Variants in PARM1 observed in about 807,000 individuals in gnomAD.
PARM1 encodes prostate androgen-regulated mucin-like protein 1.
A neutral mutation model predicts 24.6 loss-of-function variants in PARM1; 14 were observed. The ratio of observed to expected loss-of-function variants is 0.57; its 90% CI spans 0.38 to 0.89. The LOEUF is 0.89. PARM1 is among the 40% of genes least tolerant of loss of function. The probability of loss-of-function intolerance (pLI) is 0.00; values close to 1 mark genes in which losing one functional copy is unlikely to be tolerated. For synonymous variants in PARM1, 179 were observed against 156.6 expected (o/e 1.14, Z -1.07); for missense variants, 362 against 380.4 (o/e 0.95, Z 0.40).
At chr4:74,969,984 TAA>T (rs1721992846) in intron 1 of PARM1, 1 of 152,228 alleles carries the variant, frequency 6.6e-6, no homozygotes, top group Admixed American at 6.5e-5. Context: ...TGTTATTGTC[TAA>T]GTCACTGGCA....
At chr4:75,019,263 T>C (rs1723043736) in intron 2 of PARM1, among the ~76,000 whole-genome samples, 1 of 152,254 alleles carries the variant, frequency 6.6e-6, no homozygotes, top group African/African-American at 2.4e-5. Flanking sequence ...TATGAACAAT[T>C]TGGTGCTCAG....
chr4:75,044,131 G>A (rs1723553222), intron 3 of PARM1, among the ~76,000 whole-genome samples: 1 of 152,090 alleles, frequency 6.6e-6, no homozygotes, highest in Non-Finnish European at 1.5e-5. Context: ...TTTAGCAACA[G>A]ATATAAGTAT....
chr4:74,970,251 C>G (rs1721999447), intron 1 of PARM1: 1 of 152,250 alleles, frequency 6.6e-6, no homozygotes, highest in Non-Finnish European at 1.5e-5. Flanking sequence ...TAAGACATTC[C>G]AGATAATTCT....
At chr4:74,982,237 C>T (rs180856410) in intron 1 of PARM1, among the ~76,000 whole-genome samples, 150 of 152,140 alleles carry the variant, frequency 9.9e-4, no homozygotes, top group African/African-American at 3.2e-3. Context: ...AACTGGGAGC[C>T]GAACAATGTG....
At chr4:74,964,275 G>T (rs1721851384) in intron 1 of PARM1, among the ~76,000 whole-genome samples, 1 of 152,154 alleles carries the variant, frequency 6.6e-6, no homozygotes, top group Non-Finnish European at 1.5e-5. Flanking sequence ...GCTCTACCTG[G>T]AGAACAGCAT....
intron 2 of PARM1, among the ~76,000 whole-genome samples, chr4:75,016,919 CA>C (rs1267919663): frequency 6.6e-6 from 1 of 152,160 alleles, no homozygotes; most frequent in African/African-American, 2.4e-5. Flanking sequence ...GCCAATTCAT[CA>C]TCTCCACTGG....
Position 75,009,294 on chromosome 4 carries a change from G to A in PARM1, c.44-3131G>A, listed in dbSNP as rs146015779. Among the ~76,000 whole-genome samples, 509 of 152,238 alleles carry A rather than the reference G, an allele frequency of 3.3e-3. 6 individuals are homozygous for A. Among genetic ancestry groups the A allele is most frequent in the African/African-American group, 0.011 (473 of 41,526 alleles). ...AAATTCAGAATAAACTCTATAGCAC[G>A]GCCTTCCATCAGCTCCTGAGTCAGC... On this transcript the variant is annotated intron_variant, in intron 1 of 3. Coordinates refer to ENST00000307428, the MANE Select transcript of PARM1 (RefSeq NM_015393.4).
In PARM1 at chr4:74,988,439, A is replaced by G. The variant is rs1322116696; in HGVS notation, c.44-23986A>G. On this transcript the variant is annotated intron_variant, in intron 1 of 3. Coordinates refer to ENST00000307428, the MANE Select transcript of PARM1 (RefSeq NM_015393.4). Reference sequence around the variant, plus strand: ...TATACATATTTATGCTGCTGTGTAAATATGGGAGAGAAGATGATTAGTGGG... The same window carrying G: ...TATACATATTTATGCTGCTGTGTAAGTATGGGAGAGAAGATGATTAGTGGG... 3.3e-5 allele frequency among the ~76,000 whole-genome samples: 5 copies of G among 152,308 alleles called. No individual in the cohort carries two copies. In the East Asian group the frequency reaches 5.8e-4, roughly 18 times the overall value.
At chr4:74,953,049 A>G (rs1214425649) in intron 1 of PARM1, among the ~76,000 whole-genome samples, 2 of 152,206 alleles carry the variant, frequency 1.3e-5, no homozygotes, top group Non-Finnish European at 2.9e-5. Flanking sequence ...TAGTCTATAT[A>G]TTGAAGAGCC....
intron 1 of PARM1, chr4:74,956,081 A>G (rs1186028245): frequency 1.3e-5 from 2 of 152,356 alleles, no homozygotes; most frequent in Non-Finnish European, 1.5e-5. Context: ...AATTTATATA[A>G]CACAATGTGC....
intron 1 of PARM1, among the ~76,000 whole-genome samples, chr4:74,938,447 C>T (rs1465029633): frequency 6.6e-6 from 1 of 152,138 alleles, no homozygotes; most frequent in African/African-American, 2.4e-5. Flanking sequence ...TTGTCTTGTT[C>T]ATAAGATATC....
At chr4:75,031,652 A>C (rs371001809) in intron 2 of PARM1, among the ~76,000 whole-genome samples, 4 of 152,352 alleles carry the variant, frequency 2.6e-5, no homozygotes. Flanking sequence ...AAAGTTAGAG[A>C]AGAATCTTTG....
intron 1 of PARM1, among the ~76,000 whole-genome samples, chr4:74,950,757 C>T (rs988767143): frequency 6.6e-6 from 1 of 151,746 alleles, no homozygotes; most frequent in Non-Finnish European, 1.5e-5. Context: ...TATTTGTTTC[C>T]TTATTTATCT....
At position 75,048,697 on chromosome 4, in the gene PARM1, T is replaced by A. The variant is rs1723660414; in HGVS notation, c.*2450T>A. 2 of 152,580 alleles carry A rather than the reference T, an allele frequency of 1.3e-5. No individual in the cohort carries two copies. The highest frequency in any genetic ancestry group is 4.8e-5 in the African/African-American group (2 of 41,432). The allele number at this position is 152,580 out of a possible 1,614,324, so 9.5% of individuals were successfully genotyped here. ...TTTTTTTCTTACCGAAAGGCTGCTATTGTGCAAGGGCACATAATGGGTCTG... is the reference window on the plus strand; with the variant it reads ...TTTTTTTCTTACCGAAAGGCTGCTAATGTGCAAGGGCACATAATGGGTCTG... On this transcript the variant is annotated 3_prime_UTR_variant, in exon 4 of 4. Transcript: ENST00000307428.
intron 1 of PARM1, among the ~76,000 whole-genome samples, chr4:74,998,257 G>C (rs999483207): frequency 6.6e-6 from 1 of 152,210 alleles, no homozygotes; most frequent in Non-Finnish European, 1.5e-5. Context: ...TTATGTGGCT[G>C]TGTGTACCCA....
chr4:74,986,275 G>T (rs1279203432), intron 1 of PARM1, among the ~76,000 whole-genome samples: 1 of 152,062 alleles, frequency 6.6e-6, no homozygotes, highest in Non-Finnish European at 1.5e-5. Flanking sequence ...AGTTTCCTTT[G>T]CAGTACGAAA....
At position 75,047,799 on chromosome 4, in the gene PARM1, T is replaced by C. The variant is rs538390296; in HGVS notation, c.*1552T>C. On this transcript the variant is annotated 3_prime_UTR_variant, in exon 4 of 4. Transcript: ENST00000307428. Reference sequence around the variant, plus strand: ...AATGAAATGATGTGTTAAGTTTTTATTTCCAAAGTGTTTAGTTTATTGGCT... The same window carrying C: ...AATGAAATGATGTGTTAAGTTTTTACTTCCAAAGTGTTTAGTTTATTGGCT... 6.6e-6 allele frequency: 1 copy of C among 152,358 alleles called. No individual in the cohort carries two copies. Among genetic ancestry groups the C allele is most frequent in the East Asian group, 1.9e-4 (1 of 5,188 alleles). 9.4% of individuals were successfully genotyped at this position (152,358 alleles called of 1,614,324 possible).
chr4:75,048,878 T>C lies in PARM1; in HGVS notation c.*2631T>C, dbSNP rs1167476253. On this transcript the variant is annotated 3_prime_UTR_variant, in exon 4 of 4. Coordinates refer to ENST00000307428, the MANE Select transcript of PARM1 (RefSeq NM_015393.4). Reference sequence around the variant, plus strand: ...AAGGGTTGAACCTTATTTTGCCAAATGTATCTTTTCTGCTTTTGAATTGGG... The same window carrying C: ...AAGGGTTGAACCTTATTTTGCCAAACGTATCTTTTCTGCTTTTGAATTGGG... 1 of 152,678 alleles carries C rather than the reference T, an allele frequency of 6.5e-6. No individual in the cohort carries two copies. Among genetic ancestry groups the C allele is most frequent in the Non-Finnish European group, 1.5e-5 (1 of 68,052 alleles). The allele number at this position is 152,678 out of a possible 1,614,324, so 9.5% of individuals were successfully genotyped here.
chr4:74,939,480 T>G (rs1279066969), intron 1 of PARM1, among the ~76,000 whole-genome samples: 1 of 152,146 alleles, frequency 6.6e-6, no homozygotes, highest in African/African-American at 2.4e-5. Context: ...GCAATGATCT[T>G]GCTATAGGGG....
Sources: gnomAD v4.1 joint callset for allele counts (sites outside exome capture counted in the v4.1 genomes callset) on GRCh38, gnomAD v4.1.1 for gene constraint, MANE v1.5 for transcripts, NCBI Gene and HGNC (gene_info 2026-07-23, HGNC 2026-07-21) for gene names.